PTPRT: variants seen among roughly 807,000 people sequenced by gnomAD.
The protein encoded by PTPRT is receptor-type tyrosine-protein phosphatase T.
A neutral mutation model predicts 176.8 loss-of-function variants in PTPRT; 56 were observed. That is an observed-to-expected ratio of 0.32 (90% confidence interval 0.26 to 0.40). The LOEUF (loss-of-function observed/expected upper bound fraction) is 0.40. Among genes scored for constraint, PTPRT ranks in the 10% least tolerant of loss-of-function variants. PTPRT has a pLI of 1.00. For missense variants in PTPRT, 1,540 were observed against 1,908.2 expected (o/e 0.81, Z 3.60); for synonymous variants, 783 against 739.0 (o/e 1.06, Z -0.96).
chr20:42,896,761 G>A (rs769339960), intron 1 of PTPRT, among the ~76,000 whole-genome samples: 7 of 151,976 alleles, frequency 4.6e-5, no homozygotes, highest in Non-Finnish European at 8.8e-5. Flanking sequence ...ATCCTGCTCT[G>A]TGGACACATA....
At chr20:42,435,626 T>G (rs6030233) in intron 9 of PTPRT, among the ~76,000 whole-genome samples, 127,929 of 152,164 alleles carry the variant, frequency 0.84, 53,950 homozygotes, top group Admixed American at 0.87. Context: ...AGCTCTAAAA[T>G]TAAGGTAATA....
At chr20:42,969,229 G>A (rs1243586036) in intron 1 of PTPRT, 1 of 152,136 alleles carries the variant, frequency 6.6e-6, no homozygotes, top group African/African-American at 2.4e-5. Flanking sequence ...AATCCACCTA[G>A]GGGTAGGATG....
At chr20:42,419,992 C>T (rs1164290696) in intron 9 of PTPRT, among the ~76,000 whole-genome samples, 2 of 152,128 alleles carry the variant, frequency 1.3e-5, no homozygotes, top group African/African-American at 2.4e-5. Flanking sequence ...AAAGCCACGG[C>T]ACAGGTTTTC....
At chr20:42,381,736 A>G (rs765609294) in intron 9 of PTPRT, among the ~76,000 whole-genome samples, 16 of 152,106 alleles carry the variant, frequency 1.1e-4, no homozygotes, top group Admixed American at 3.9e-4. Context: ...AAATATGTAA[A>G]TGACCCGATT....
intron 1 of PTPRT, among the ~76,000 whole-genome samples, chr20:42,930,721 C>T (rs546604306): frequency 6.6e-6 from 1 of 152,066 alleles, no homozygotes; most frequent in African/African-American, 2.4e-5. Context: ...CTCATATGAT[C>T]CTCCTGCCTC....
chr20:42,778,862 G>C (rs1018032940), intron 4 of PTPRT, among the ~76,000 whole-genome samples: 3 of 152,196 alleles, frequency 2.0e-5, no homozygotes, highest in African/African-American at 7.2e-5. Flanking sequence ...CCCCAGGCAT[G>C]ACTGAATGAC....
intron 11 of PTPRT, among the ~76,000 whole-genome samples, chr20:42,328,725 T>G (rs2057920629): frequency 8.1e-6 from 1 of 123,108 alleles, no homozygotes; most frequent in African/African-American, 3.5e-5. Flanking sequence ...GGAGGTCTAG[T>G]GTTTGAGGTT....
the PTPRT span, among the ~76,000 whole-genome samples, chr20:42,067,700 C>T: frequency 1.3e-5 from 2 of 152,166 alleles, no homozygotes; most frequent in African/African-American, 2.4e-5. Context: ...ATGAGTAGAA[C>T]TTCTCCCATG....
intron 6 of PTPRT, chr20:42,687,713 C>G (rs539253572): frequency 6.6e-6 from 1 of 152,224 alleles, no homozygotes; most frequent in Non-Finnish European, 1.5e-5. Flanking sequence ...TCCCCTCCCC[C>G]ACCTCAGCCA....
At chr20:42,355,256 G>C (rs1040392149) in intron 9 of PTPRT, among the ~76,000 whole-genome samples, 2 of 152,122 alleles carry the variant, frequency 1.3e-5, no homozygotes, top group African/African-American at 4.8e-5. Flanking sequence ...GAGAGGCTCA[G>C]CTCCACTTGC....
At chr20:42,382,722 C>A (rs1038589049) in intron 9 of PTPRT, among the ~76,000 whole-genome samples, 1 of 152,056 alleles carries the variant, frequency 6.6e-6, no homozygotes, top group African/African-American at 2.4e-5. Context: ...GTAAGAGGAA[C>A]CAGAGCATGC....
intron 1 of PTPRT, among the ~76,000 whole-genome samples, chr20:43,045,955 T>G (rs1986820822): frequency 6.6e-6 from 1 of 151,980 alleles, no homozygotes; most frequent in African/African-American, 2.4e-5. Flanking sequence ...AAGGACTAAG[T>G]CATGCAGAGT....
chr20:42,678,357 G>C (rs1009292550), intron 6 of PTPRT, among the ~76,000 whole-genome samples, 198 bp from the exon 7 acceptor site: 17 of 152,174 alleles, frequency 1.1e-4, no homozygotes, highest in Admixed American at 1.0e-3. Context: ...CTGGAGTGCA[G>C]TGGGGCCATT....
At chr20:42,738,880 T>A (rs943149296) in intron 6 of PTPRT, among the ~76,000 whole-genome samples, 7 of 152,150 alleles carry the variant, frequency 4.6e-5, no homozygotes, top group African/African-American at 1.7e-4. Context: ...GAGACTAGCC[T>A]GGGCAACATG....
chr20:42,332,505 C>T (rs6030146), intron 11 of PTPRT, among the ~76,000 whole-genome samples: 51,956 of 151,978 alleles, frequency 0.34, 10,203 homozygotes, highest in African/African-American at 0.55. Context: ...CCACTGCGCC[C>T]GGCCAGAAAA....
At chr20:42,420,944 G>A (rs2059112891) in intron 9 of PTPRT, among the ~76,000 whole-genome samples, 1 of 152,142 alleles carries the variant, frequency 6.6e-6, no homozygotes, top group South Asian at 2.1e-4. Flanking sequence ...AAAGGATTAG[G>A]ATTGGTGACA....
intron 4 of PTPRT, 130 bp from the exon 5 acceptor site, chr20:42,771,680 G>A: frequency 1.4e-6 from 1 of 695,174 alleles, no homozygotes; most frequent in Non-Finnish European, 2.5e-6. Context: ...GCCCGGCTCA[G>A]TCAAGATTTC....
intron 11 of PTPRT, among the ~76,000 whole-genome samples, chr20:42,337,844 G>A (rs531878860): frequency 9.2e-5 from 14 of 152,288 alleles, no homozygotes; most frequent in Non-Finnish European, 1.6e-4. Context: ...AAGGCAGGAC[G>A]GAAAAGCTTA....
intron 7 of PTPRT, among the ~76,000 whole-genome samples, chr20:42,540,771 G>C (rs1488941029): frequency 6.6e-6 from 1 of 152,106 alleles, no homozygotes; most frequent in Admixed American, 6.6e-5. Context: ...TTTACTGCAT[G>C]GTTCAGTTTT....
Sources: gnomAD v4.1 joint callset for allele counts (sites outside exome capture counted in the v4.1 genomes callset) on GRCh38, gnomAD v4.1.1 for gene constraint, MANE v1.5 for transcripts, NCBI Gene and HGNC (gene_info 2026-07-23, HGNC 2026-07-21) for gene names.